SYNE1: variants seen among roughly 807,000 people sequenced by gnomAD.
SYNE1 encodes the protein nesprin-1.
Under a neutral mutation model 1,111.0 loss-of-function variants are expected in SYNE1, and 616 were observed. The ratio of observed to expected loss-of-function variants is 0.55; its 90% confidence interval spans 0.52 to 0.59. The LOEUF (loss-of-function observed/expected upper bound fraction) is 0.59. SYNE1 is among the 20% of genes least tolerant of loss of function. The pLI is 0.00. For missense variants in SYNE1, 10,006 were observed against 10,417.0 expected (o/e 0.96, Z 1.72); for synonymous variants, 3,855 against 3,825.8 (o/e 1.01, Z -0.28).
At position 152,132,132 on chromosome 6, in the gene SYNE1, C is replaced by G. The variant is rs1326747381; in HGVS notation, c.26084G>C (p.Arg8695Thr). 8 of 1,614,022 alleles carry G rather than the reference C, an allele frequency of 5.0e-6. No individual in the cohort carries two copies. The highest frequency in any genetic ancestry group is 2.2e-5 in the East Asian group (1 of 44,886). Residue 8695 changes from arginine (R) to threonine (T), a missense_variant, in exon 144 of 146, where the codon AGA (arginine) becomes ACA (threonine). By Grantham distance (71) the Arg-to-Thr change is moderately conservative. Coordinates refer to ENST00000367255, the MANE Select transcript of SYNE1 (RefSeq NM_182961.4). Reference protein sequence around the residue: ...SPTSGRSTPNRQKTPRGKCSL... With the variant: ...SPTSGRSTPNTQKTPRGKCSL... ...CCAGTGGAAAGTTACCGTTTTCTGTCTGTTTGGGGTGCTCCTTCCTGATGT... is the reference window on the plus strand; with the variant it reads ...CCAGTGGAAAGTTACCGTTTTCTGTGTGTTTGGGGTGCTCCTTCCTGATGT...
rs564276376 is a variant in SYNE1, at chr6:152,322,025, T to C, written c.15918-139A>G. ...AAGAAAAGACACTTCCTCAACACTGTTAAATAACACTGCAGTTCATGTATA... is the reference window on the plus strand; with the variant it reads ...AAGAAAAGACACTTCCTCAACACTGCTAAATAACACTGCAGTTCATGTATA... On this transcript the variant is annotated intron_variant, in intron 82 of 145. Coordinates refer to ENST00000367255, the MANE Select transcript of SYNE1 (RefSeq NM_182961.4). 1.5e-4 allele frequency: 123 copies of C among 835,348 alleles called. No homozygotes were observed. In the South Asian group the frequency reaches 1.7e-3, roughly 12 times the overall value. 51.7% of individuals were successfully genotyped at this position (835,348 alleles called of 1,614,324 possible).
Position 152,206,292 on chromosome 6 carries a change from A to G in SYNE1, c.22895T>C (p.Leu7632Pro). The G allele has an allele frequency of 6.2e-7, 1 of 1,614,028 alleles. No homozygotes were observed. Among genetic ancestry groups the G allele is most frequent in the Non-Finnish European group, 8.5e-7 (1 of 1,180,008 alleles). ...CTCAGCGCCACTGTCCGCCGAGAGA[A>G]GGAGTTGCTTGCCAGCCTCCACAGT... ...ILTVEAGKQL[L>P]LSADSGAEAA... Residue 7632 changes from leucine to proline, a missense_variant, in exon 126 of 146, where the codon CTT becomes CCT. Leu to Pro is a moderately conservative substitution (Grantham distance 98, BLOSUM62 -3). This residue lies in a region of SYNE1 where 2,182 missense variants were observed against 2,287.8 expected (regional missense o/e 0.95). Coordinates refer to ENST00000367255, the MANE Select transcript of SYNE1 (RefSeq NM_182961.4).
Position 152,141,193 on chromosome 6 carries a change from AC to A in SYNE1, c.25246+9del. On this transcript the variant is annotated intron_variant, in intron 139 of 145. Coordinates refer to ENST00000367255, the MANE Select transcript of SYNE1 (RefSeq NM_182961.4). The stretch of plus-strand genomic sequence containing the variant: ...TTCATTCACTCTTGAACTGGATGCT[AC>A]GCACTCACCAGCCGTTTGGGTTTCG... The A allele has an allele frequency of 6.2e-7, 1 of 1,614,156 alleles. No homozygotes were observed. The highest frequency in any genetic ancestry group is 8.5e-7 in the Non-Finnish European group (1 of 1,180,030).
At chr6:152,269,767 T>C (rs1345739764) in intron 98 of SYNE1, among the ~76,000 whole-genome samples, 1 of 152,192 alleles carries the variant, frequency 6.6e-6, no homozygotes, top group East Asian at 1.9e-4. Context: ...ATAATCTTCC[T>C]AAAAATTTTT....
At chr6:152,326,745 G>T in intron 78 of SYNE1, 112 bp from the exon 79 acceptor site, 2 of 972,988 alleles carry the variant, frequency 2.1e-6, no homozygotes, top group African/African-American at 1.6e-5. Flanking sequence ...GCGTATGTGT[G>T]TAAGTGCATT....
chr6:152,128,154 T>A (rs1038318011), intron 145 of SYNE1: 1 of 152,220 alleles, frequency 6.6e-6, no homozygotes, highest in African/African-American at 2.4e-5. Context: ...TTAATGGCGA[T>A]AAGGTTAGAA....
At chr6:152,367,464 C>T in intron 61 of SYNE1, 82 bp from the exon 62 acceptor site, 1 of 1,547,042 alleles carries the variant, frequency 6.5e-7, no homozygotes, top group South Asian at 1.1e-5. Context: ...GAAACAAAGG[C>T]AATCAGTCAT....
chr6:152,582,640 A>T (rs549806790), intron 3 of SYNE1, among the ~76,000 whole-genome samples: 1 of 151,996 alleles, frequency 6.6e-6, no homozygotes, highest in Non-Finnish European at 1.5e-5. Flanking sequence ...TCACAAGAGA[A>T]TATAAGGTAC....
In SYNE1 at chr6:152,430,667, C is replaced by T; in HGVS notation, c.4504G>A (p.Gly1502Arg). The change falls in exon 35 of 146, where the codon GGA becomes AGA. Residue 1502 changes from glycine (G) to arginine (R), a missense_variant. This residue lies in a region of SYNE1 where 1,971 missense variants were observed against 2,084.1 expected (regional missense o/e 0.95). Transcript: ENST00000367255. ...EIESKLSSIV[G>R]LEEEAQSFAQ... Reference sequence around the variant, plus strand: ...AAAGACTGGGCTTCTTCTTCTAATCCTACAATGCTGCTGAGCTTACTTTCT... The same window carrying T: ...AAAGACTGGGCTTCTTCTTCTAATCTTACAATGCTGCTGAGCTTACTTTCT... 1 of 1,614,118 alleles carries T rather than the reference C, an allele frequency of 6.2e-7. No homozygotes were observed. The highest frequency in any genetic ancestry group is 1.7e-5 in the Admixed American group (1 of 60,004).
At chr6:152,289,057 C>T (rs2094459988) in intron 95 of SYNE1, among the ~76,000 whole-genome samples, 2 of 152,016 alleles carry the variant, frequency 1.3e-5, no homozygotes, top group South Asian at 4.2e-4. Flanking sequence ...TGTACTAATA[C>T]CACTAAATTG....
chr6:152,374,450 G>A (rs1228807318), intron 58 of SYNE1, among the ~76,000 whole-genome samples: 1 of 152,206 alleles, frequency 6.6e-6, no homozygotes, highest in Non-Finnish European at 1.5e-5. Flanking sequence ...TGTGGTGGGA[G>A]GGTCAGAGAA....
At chr6:152,580,467 G>A (rs9384013) in intron 3 of SYNE1, among the ~76,000 whole-genome samples, 16,787 of 152,128 alleles carry the variant, frequency 0.11, 1,380 homozygotes, top group East Asian at 0.44. Context: ...TAGGTTGTCT[G>A]TTTACTCAGT....
chr6:152,175,095 A>G (rs1331466227), intron 130 of SYNE1, among the ~76,000 whole-genome samples: 2 of 152,308 alleles, frequency 1.3e-5, no homozygotes, highest in Admixed American at 1.3e-4. Context: ...TGGGAGGCTG[A>G]GGCAGGAGAA....
chr6:152,341,454 T>C (rs1010971465), intron 74 of SYNE1, among the ~76,000 whole-genome samples: 5 of 152,238 alleles, frequency 3.3e-5, no homozygotes, highest in Non-Finnish European at 7.3e-5. Context: ...AAAAATCTTA[T>C]AGTACTTTTT....
At chr6:152,196,412 C>T (rs933061811) in intron 127 of SYNE1, among the ~76,000 whole-genome samples, 5 of 151,924 alleles carry the variant, frequency 3.3e-5, no homozygotes, top group African/African-American at 7.3e-5. Flanking sequence ...AGCATGTCTC[C>T]GAATCTGACC....
Position 152,326,018 on chromosome 6 carries a change from C to T in SYNE1, c.15378G>A (p.Glu5126=). 6.2e-7 allele frequency: 1 copy of T among 1,614,168 alleles called. No homozygotes were observed. Among genetic ancestry groups the T allele is most frequent in the Non-Finnish European group, 8.5e-7 (1 of 1,180,014 alleles). Residue 5126 remains glutamate, a synonymous_variant, in exon 80 of 146, where the codon GAG becomes GAA. Coordinates refer to ENST00000367255, the MANE Select transcript of SYNE1 (RefSeq NM_182961.4). ...TAGACGAAGTCTTCAACAAAGAAAA[C>T]TCAGACAATTTCTTTTCTGTATCAT... ...LMNDTEKKLS[E]FSLLKTSSSH... is the part of the protein sequence containing the mutation.
intron 3 of SYNE1, chr6:152,546,873 G>C (rs1351712657): frequency 6.6e-6 from 1 of 152,060 alleles, no homozygotes; most frequent in Non-Finnish European, 1.5e-5. Flanking sequence ...ACTGGTTTAA[G>C]TACAAATGAA....
rs185364295 is a variant in SYNE1 at position 152,347,440 on chromosome 6, T to A, written c.11902-205A>T. On this transcript the variant is annotated intron_variant, in intron 72 of 145. Coordinates refer to ENST00000367255, the MANE Select transcript of SYNE1 (RefSeq NM_182961.4). The stretch of plus-strand genomic sequence containing the variant: ...AGGAAGAGTCAATGAGTTTAAGAGA[T>A]TAGTTACATAAGGAATGATGAAGTA... Among the ~76,000 whole-genome samples the A allele has an allele frequency of 6.2e-3, 938 of 152,256 alleles. 5 individuals are homozygous for A. The highest frequency in any genetic ancestry group is 0.01 in the Non-Finnish European group (706 of 68,014).
intron 4 of SYNE1, among the ~76,000 whole-genome samples, chr6:152,537,464 T>TA (rs1394497069): frequency 6.6e-6 from 1 of 151,784 alleles, no homozygotes; most frequent in African/African-American, 2.4e-5. Context: ...TTAACAAATG[T>TA]AAAAAAGAAA....
Sources: gnomAD v4.1 joint callset for allele counts (sites outside exome capture counted in the v4.1 genomes callset) on GRCh38, gnomAD v4.1.1 for gene constraint, gnomAD v4.1.1 regional missense constraint, MANE v1.5 for transcripts, NCBI Gene and HGNC (gene_info 2026-07-23, HGNC 2026-07-21) for gene names.